ANO3: variants seen among roughly 807,000 people sequenced by gnomAD.
The protein encoded by ANO3 is anoctamin-3.
ANO3 carries 99 observed loss-of-function variants against 144.8 expected under a neutral mutation model. The observed-to-expected ratio is 0.68, with a 90% confidence interval of 0.58 to 0.81. ANO3 has a LOEUF of 0.81. Ranked by LOEUF, ANO3 falls within the 30% of genes least tolerant of loss-of-function variation. The pLI is 0.00. For synonymous variants in ANO3, 414 were observed against 392.6 expected (o/e 1.05, Z -0.64); for missense variants, 905 against 1,202.2 (o/e 0.75, Z 3.66).
chr11:26,504,692 A>T (rs1410899201), intron 4 of ANO3, among the ~76,000 whole-genome samples: 1 of 151,858 alleles, frequency 6.6e-6, no homozygotes, highest in African/African-American at 2.4e-5. Context: ...CATTGGGATA[A>T]CTCGGCTGTC....
intron 1 of ANO3, among the ~76,000 whole-genome samples, chr11:26,346,661 T>C (rs1855502989): frequency 6.6e-6 from 1 of 152,162 alleles, no homozygotes; most frequent in Non-Finnish European, 1.5e-5. Flanking sequence ...CCCAGTGCTT[T>C]TGGGTTTCTG....
In ANO3 at chr11:26,382,752, G is replaced by T. The variant is rs555726481; in HGVS notation, c.46+50431G>T. Among the ~76,000 whole-genome samples, 6 of 152,200 alleles carry T rather than the reference G, an allele frequency of 3.9e-5. No individual in the cohort carries two copies. In the South Asian group the frequency reaches 1.0e-3, roughly 26 times the overall value. The stretch of plus-strand genomic sequence containing the variant: ...ATGTTCCAAGGCTATGAAAAATATT[G>T]TACTGCTTATATAATTAGAAGTATG... On this transcript the variant is annotated intron_variant, in intron 1 of 26. Transcript: ENST00000256737.
intron 1 of ANO3, among the ~76,000 whole-genome samples, chr11:26,268,405 C>A (rs2133833850): frequency 6.6e-6 from 1 of 152,258 alleles, no homozygotes; most frequent in Non-Finnish European, 1.5e-5. Flanking sequence ...AAACCCTGAT[C>A]ATTATGCCAA....
At chr11:26,200,165 G>A (rs374130098) in intron 1 of ANO3, among the ~76,000 whole-genome samples, 2 of 152,162 alleles carry the variant, frequency 1.3e-5, no homozygotes, top group African/African-American at 2.4e-5. Context: ...TGCTTTTACT[G>A]TAATGTTGGA....
intron 4 of ANO3, among the ~76,000 whole-genome samples, chr11:26,479,346 G>T (rs549848469): frequency 6.6e-6 from 1 of 152,094 alleles, no homozygotes; most frequent in Non-Finnish European, 1.5e-5. Context: ...TACAGAATTC[G>T]ATGTGTGTCT....
chr11:26,540,403 C>T (rs1849613780), intron 10 of ANO3, among the ~76,000 whole-genome samples: 1 of 152,060 alleles, frequency 6.6e-6, no homozygotes, highest in South Asian at 2.1e-4. Flanking sequence ...TAAAAACTCT[C>T]AATAAACTAG....
At chr11:26,208,459 G>T (rs1472061942) in intron 1 of ANO3, 2 of 150,266 alleles carry the variant, frequency 1.3e-5, no homozygotes, top group African/African-American at 5.0e-5. Context: ...CTTGCAGTGA[G>T]CCAAGATCAC....
chr11:26,462,525 A>G (rs1859442555), intron 3 of ANO3, among the ~76,000 whole-genome samples: 1 of 151,782 alleles, frequency 6.6e-6, no homozygotes, highest in Non-Finnish European at 1.5e-5. Flanking sequence ...CAGTTGTTTC[A>G]ATCCCCTGAT....
chr11:26,295,643 TA>T (rs1854072115), intron 1 of ANO3, among the ~76,000 whole-genome samples: 1 of 152,198 alleles, frequency 6.6e-6, no homozygotes, highest in Admixed American at 6.5e-5. Context: ...AAATTGATTT[TA>T]AAATTATGTA....
At chr11:26,432,790 C>T (rs1465085227) in intron 1 of ANO3, among the ~76,000 whole-genome samples, 1 of 152,012 alleles carries the variant, frequency 6.6e-6, no homozygotes, top group Non-Finnish European at 1.5e-5. Flanking sequence ...ATCATGCTAC[C>T]TTGTTTACTG....
intron 5 of ANO3, among the ~76,000 whole-genome samples, chr11:26,510,530 C>T (rs904386707): frequency 8.1e-4 from 123 of 152,300 alleles, no homozygotes; most frequent in African/African-American, 2.9e-3. Flanking sequence ...TTCATCTGCT[C>T]CCAGAGCAGT....
intron 1 of ANO3, among the ~76,000 whole-genome samples, chr11:26,202,545 T>C (rs1440074290): frequency 6.6e-6 from 1 of 151,554 alleles, no homozygotes; most frequent in Non-Finnish European, 1.5e-5. Flanking sequence ...GGTAATTAAA[T>C]TCTGCAAGAT....
At chr11:26,482,467 TGTGTG>T (rs1295355576) in intron 4 of ANO3, among the ~76,000 whole-genome samples, 1 of 149,756 alleles carries the variant, frequency 6.7e-6, no homozygotes, top group African/African-American at 2.5e-5. Context: ...TGTGTGTGTG[TGTGTG>T]TATCTTTAAA....
chr11:26,200,639 A>C (rs1017652608), intron 1 of ANO3, among the ~76,000 whole-genome samples: 1 of 152,192 alleles, frequency 6.6e-6, no homozygotes, highest in Non-Finnish European at 1.5e-5. Flanking sequence ...CAAAAGGAAG[A>C]TACAGAGAAC....
chr11:26,379,003 C>A (rs1856501891), intron 1 of ANO3, among the ~76,000 whole-genome samples: 1 of 143,520 alleles, frequency 7.0e-6, no homozygotes, highest in Non-Finnish European at 1.5e-5. Context: ...TAATGATAGG[C>A]AACACAGAGA....
chr11:26,511,394 A>T (rs943229697), intron 5 of ANO3, among the ~76,000 whole-genome samples: 1 of 152,216 alleles, frequency 6.6e-6, no homozygotes, highest in Non-Finnish European at 1.5e-5. Context: ...AAGCAAGGGA[A>T]GGTGCTGCAA....
At chr11:26,474,446 A>G (rs1859888168) in intron 4 of ANO3, among the ~76,000 whole-genome samples, 1 of 151,904 alleles carries the variant, frequency 6.6e-6, no homozygotes, top group Admixed American at 6.6e-5. Flanking sequence ...AACATAAAAT[A>G]TATTTACCTT....
At chr11:26,229,395 G>A (rs1265510581) in intron 1 of ANO3, among the ~76,000 whole-genome samples, 2 of 152,150 alleles carry the variant, frequency 1.3e-5, no homozygotes, top group African/African-American at 4.8e-5. Context: ...CAAACTTCAA[G>A]TCATATACTT....
intron 1 of ANO3, among the ~76,000 whole-genome samples, chr11:26,319,811 T>G (rs1854716129): frequency 6.6e-6 from 1 of 152,200 alleles, no homozygotes; most frequent in African/African-American, 2.4e-5. Flanking sequence ...TGACAATGTT[T>G]TTAAAACACT....
Sources: allele counts gnomAD v4.1 joint callset (sites outside exome capture counted in the v4.1 genomes callset), GRCh38; gene constraint gnomAD v4.1.1; transcripts MANE v1.5; gene names NCBI Gene and HGNC (gene_info 2026-07-23, HGNC 2026-07-21).